CSMD1: variants seen among roughly 807,000 people sequenced by gnomAD.
CSMD1 encodes CUB and sushi domain-containing protein 1.
CSMD1 carries 213 observed loss-of-function variants against 417.5 expected under a neutral mutation model. The ratio of observed to expected loss-of-function variants is 0.51; its 90% confidence interval spans 0.46 to 0.57. The LOEUF (loss-of-function observed/expected upper bound fraction) is 0.57, where lower values mean the gene tolerates loss of function less well. CSMD1 is among the 20% of genes least tolerant of loss of function. The pLI is 0.00. For missense variants in CSMD1, 6,923 were observed against 4,529.7 expected (o/e 1.53, Z -15.17); for synonymous variants, 2,862 against 1,736.8 (o/e 1.65, Z -16.11).
intron 5 of CSMD1, among the ~76,000 whole-genome samples, chr8:3,805,784 A>T (rs1394904077): frequency 1.3e-5 from 2 of 152,050 alleles, no homozygotes; most frequent in African/African-American, 4.8e-5. Flanking sequence ...AGTCTTTGTG[A>T]GTCATCTCAT....
chr8:4,064,511 A>G (rs1799142714), intron 3 of CSMD1, among the ~76,000 whole-genome samples: 2 of 152,232 alleles, frequency 1.3e-5, no homozygotes, highest in South Asian at 2.1e-4. Flanking sequence ...TGAGGCAGGG[A>G]TAACATCCAA....
intron 50 of CSMD1, among the ~76,000 whole-genome samples, chr8:3,045,543 C>T (rs971751400): frequency 6.6e-6 from 1 of 152,168 alleles, no homozygotes; most frequent in Admixed American, 6.5e-5. Context: ...GAAAATTAGG[C>T]CTTGTCCTTA....
intron 1 of CSMD1, among the ~76,000 whole-genome samples, chr8:4,935,604 A>C (rs1392777948): frequency 6.6e-6 from 1 of 152,126 alleles, no homozygotes; most frequent in African/African-American, 2.4e-5. Flanking sequence ...GCCTATTTTC[A>C]TTTGCTCTCA....
intron 5 of CSMD1, among the ~76,000 whole-genome samples, chr8:3,903,831 G>C (rs1049655690): frequency 6.6e-6 from 1 of 151,980 alleles, no homozygotes; most frequent in Non-Finnish European, 1.5e-5. Context: ...CGAGCTCTGA[G>C]GTCTCTTTAG....
chr8:4,318,648 A>G (rs1799081859), intron 3 of CSMD1, among the ~76,000 whole-genome samples: 1 of 82,328 alleles, frequency 1.2e-5, no homozygotes, highest in African/African-American at 2.7e-5. Context: ...TAAATTTAAG[A>G]CGTCACTGAT....
chr8:3,585,089 C>T (rs1187865552), intron 9 of CSMD1, among the ~76,000 whole-genome samples: 2 of 152,026 alleles, frequency 1.3e-5, no homozygotes, highest in African/African-American at 2.4e-5. Context: ...TCCGGTGGGG[C>T]GGGTCCTGCA....
chr8:3,489,812 T>G (rs1241655392), intron 11 of CSMD1, among the ~76,000 whole-genome samples: 2 of 152,204 alleles, frequency 1.3e-5, no homozygotes, highest in African/African-American at 4.8e-5. Context: ...AAAATCGAGA[T>G]GTAACTAGAA....
intron 5 of CSMD1, among the ~76,000 whole-genome samples, chr8:3,778,557 G>A (rs954332216): frequency 6.6e-6 from 1 of 152,106 alleles, no homozygotes; most frequent in Non-Finnish European, 1.5e-5. Context: ...CTTGCCTGGG[G>A]TTTATTTTCT....
intron 41 of CSMD1, among the ~76,000 whole-genome samples, chr8:3,129,102 A>G (rs1035617616): frequency 2.0e-5 from 3 of 152,190 alleles, no homozygotes; most frequent in African/African-American, 7.2e-5. Context: ...GCAAGACAGT[A>G]AGAAACTAGA....
At chr8:4,489,176 T>TG (rs1801572508) in intron 2 of CSMD1, among the ~76,000 whole-genome samples, 1 of 152,174 alleles carries the variant, frequency 6.6e-6, no homozygotes, top group Non-Finnish European at 1.5e-5. Context: ...CCTCCCAAAA[T>TG]GCTGGGATAA....
At chr8:4,051,657 C>A (rs1341354059) in intron 3 of CSMD1, among the ~76,000 whole-genome samples, 5 of 151,974 alleles carry the variant, frequency 3.3e-5, no homozygotes, top group Non-Finnish European at 7.4e-5. Context: ...AAATGGTGAG[C>A]AGGATAAATT....
chr8:3,801,240 G>A (rs998944882), intron 5 of CSMD1, among the ~76,000 whole-genome samples: 2 of 150,782 alleles, frequency 1.3e-5, no homozygotes, highest in Non-Finnish European at 3.0e-5. Context: ...AGAATATATA[G>A]AGAGAACTTA....
intron 11 of CSMD1, chr8:3,469,059 T>C: frequency 2.7e-6 from 1 of 375,368 alleles, no homozygotes; most frequent in Non-Finnish European, 4.8e-6. Context: ...AATTTTCTTT[T>C]AAAAAATCAA....
intron 1 of CSMD1, among the ~76,000 whole-genome samples, chr8:4,915,170 T>TAA (rs1394368246): frequency 6.6e-6 from 1 of 152,086 alleles, no homozygotes; most frequent in African/African-American, 2.4e-5. Context: ...ATTATATATA[T>TAA]AAGAGAAATG....
chr8:3,723,389 A>C (rs1391004223), intron 6 of CSMD1, among the ~76,000 whole-genome samples: 1 of 152,190 alleles, frequency 6.6e-6, no homozygotes, highest in African/African-American at 2.4e-5. Flanking sequence ...GCCATAAGCT[A>C]ATCATAGGAC....
At chr8:3,450,410 A>G (rs1366930795) in intron 12 of CSMD1, among the ~76,000 whole-genome samples, 1 of 151,820 alleles carries the variant, frequency 6.6e-6, no homozygotes, top group Non-Finnish European at 1.5e-5. Context: ...TGCTGCACCC[A>G]TTAACTCGTC....
chr8:4,097,055 C>A (rs978895134), intron 3 of CSMD1, among the ~76,000 whole-genome samples: 1 of 152,110 alleles, frequency 6.6e-6, no homozygotes, highest in Non-Finnish European at 1.5e-5. Context: ...ATGCCTCATT[C>A]ATAAATGTTT....
At chr8:3,621,225 T>C (rs1796228515) in intron 7 of CSMD1, among the ~76,000 whole-genome samples, 1 of 152,204 alleles carries the variant, frequency 6.6e-6, no homozygotes, top group South Asian at 2.1e-4. Context: ...TAGCACTTTT[T>C]TTATGGCAGC....
Position 4,874,204 on chromosome 8 carries a change from A to G in CSMD1, c.85+120128T>C, listed in dbSNP as rs189849672. Among the ~76,000 whole-genome samples, 87 of 152,228 alleles carry G rather than the reference A, an allele frequency of 5.7e-4. 1 individual carries two copies. The highest frequency in any genetic ancestry group is 2.0e-3 in the African/African-American group (83 of 41,480). ...AATGAACAATGAACATGTGTGATTAATAAGATCAAGAAAGCCACTGTATAA... is the reference window on the plus strand; with the variant it reads ...AATGAACAATGAACATGTGTGATTAGTAAGATCAAGAAAGCCACTGTATAA... On this transcript the variant is annotated intron_variant, in intron 1 of 69. Coordinates refer to ENST00000635120, the MANE Select transcript of CSMD1 (RefSeq NM_033225.6).
Sources: gnomAD v4.1 joint callset for allele counts (sites outside exome capture counted in the v4.1 genomes callset) on GRCh38, gnomAD v4.1.1 for gene constraint, MANE v1.5 for transcripts, NCBI Gene and HGNC (gene_info 2026-07-23, HGNC 2026-07-21) for gene names.